SFSWAP: variants seen among roughly 807,000 people sequenced by gnomAD.
SFSWAP encodes splicing factor SWAP.
A neutral mutation model predicts 100.7 loss-of-function variants in SFSWAP; 17 were observed. The observed-to-expected ratio is 0.17, with a 90% CI of 0.12 to 0.25. The LOEUF (loss-of-function observed/expected upper bound fraction) is 0.25, where lower values mean the gene tolerates loss of function less well. SFSWAP is among the 10% of genes least tolerant of loss of function. The probability of loss-of-function intolerance (pLI) is 1.00; values close to 1 mark genes in which losing one functional copy is unlikely to be tolerated. For synonymous variants in SFSWAP, 504 were observed against 510.1 expected, an observed-to-expected ratio of 0.99 and a Z score of 0.16; for missense variants, 1,005 against 1,262.6, an observed-to-expected ratio of 0.80 and a Z score of 3.09.
At chr12:131,773,752 C>T (rs1883796887) in intron 13 of SFSWAP, among the ~76,000 whole-genome samples, 1 of 152,212 alleles carries the variant, frequency 6.6e-6, no homozygotes, top group South Asian at 2.1e-4. Context: ...CTGCTGTGTG[C>T]TAGGTGCTGA....
chr12:131,782,583 A>G (rs1458390239), intron 14 of SFSWAP, among the ~76,000 whole-genome samples: 1 of 152,176 alleles, frequency 6.6e-6, no homozygotes, highest in Non-Finnish European at 1.5e-5. Context: ...CGCAGTTGTT[A>G]ATATTTCTAA....
chr12:131,783,217 T>C (rs1323235839), intron 14 of SFSWAP, among the ~76,000 whole-genome samples: 5 of 152,092 alleles, frequency 3.3e-5, no homozygotes, highest in Non-Finnish European at 5.9e-5. Context: ...TAAAATACTT[T>C]TATTGTCTGT....
chr12:131,786,916 G>A (rs1308755218), intron 15 of SFSWAP, among the ~76,000 whole-genome samples: 2 of 152,180 alleles, frequency 1.3e-5, no homozygotes, highest in Non-Finnish European at 1.5e-5. Flanking sequence ...AGGACAGGAA[G>A]GCACAAACAG....
chr12:131,739,607 G>A (rs556582507), intron 7 of SFSWAP, among the ~76,000 whole-genome samples: 5 of 132,762 alleles, frequency 3.8e-5, no homozygotes, highest in Non-Finnish European at 6.2e-5. Context: ...GTGCAGTGGC[G>A]CAATCTCGGC....
In SFSWAP at chr12:131,766,380, C is replaced by A. The variant is rs1883121439; in HGVS notation, c.2142+72C>A. The A allele has an allele frequency of 2.2e-6, 3 of 1,380,140 alleles. No homozygotes were observed. The East Asian group carries it at 6.9e-5, about 32-fold the overall frequency. 85.5% of individuals were successfully genotyped at this position (1,380,140 alleles called of 1,614,324 possible). A position where few individuals can be genotyped will look rare whatever the true frequency, so the allele number is the denominator to read the frequency against. ...AGAGGCAGGGAGGATGTGTCTCCCT[C>A]CAGCTGCCCTAGTCTCTGGCCTGAG... On this transcript the variant is annotated intron_variant, in intron 13 of 17. Coordinates refer to ENST00000261674, the MANE Select transcript of SFSWAP (RefSeq NM_004592.4).
In SFSWAP at chr12:131,719,366, A is replaced by C. The variant is rs180840542; in HGVS notation, c.521-88A>C. 2.0e-4 allele frequency: 178 copies of C among 888,558 alleles called. No individual in the cohort carries two copies. In the African/African-American group the frequency reaches 2.7e-3, roughly 13 times the overall value. 55.0% of individuals were successfully genotyped at this position (888,558 alleles called of 1,614,324 possible). A position where few individuals can be genotyped will look rare whatever the true frequency, so the allele number is the denominator to read the frequency against. On this transcript the variant is annotated intron_variant, in intron 3 of 17. Coordinates refer to ENST00000261674, the MANE Select transcript of SFSWAP (RefSeq NM_004592.4). ...AGAAGGTAAAGAAGCAGGGACAGCCAGTCACATGCTTCCATCTTGCTGCCT... is the reference window on the plus strand; with the variant it reads ...AGAAGGTAAAGAAGCAGGGACAGCCCGTCACATGCTTCCATCTTGCTGCCT...
intron 7 of SFSWAP, among the ~76,000 whole-genome samples, chr12:131,746,885 A>G (rs1881151832): frequency 6.6e-6 from 1 of 152,114 alleles, no homozygotes; most frequent in Non-Finnish European, 1.5e-5. Flanking sequence ...CGGGCAGATC[A>G]TGAGGTCAGG....
intron 3 of SFSWAP, among the ~76,000 whole-genome samples, chr12:131,715,741 T>C (rs1877843697): frequency 6.8e-6 from 1 of 147,996 alleles, no homozygotes; most frequent in African/African-American, 2.4e-5. Context: ...CTTAGAAACA[T>C]TCAAATGTTT....
intron 6 of SFSWAP, 90 bp from the exon 7 acceptor site, chr12:131,728,203 A>G (rs1338710505): frequency 1.4e-6 from 2 of 1,465,274 alleles, no homozygotes; most frequent in Middle Eastern, 1.8e-4. Context: ...AGGCATGTAC[A>G]CTGAGTCCTA....
At chr12:131,765,290 C>T (rs1486536181) in intron 12 of SFSWAP, among the ~76,000 whole-genome samples, 1 of 152,220 alleles carries the variant, frequency 6.6e-6, no homozygotes, top group Non-Finnish European at 1.5e-5. Flanking sequence ...GTTATCTATT[C>T]TAACTGATTT....
intron 7 of SFSWAP, among the ~76,000 whole-genome samples, chr12:131,732,055 G>C (rs187450711): frequency 2.0e-5 from 3 of 151,434 alleles, no homozygotes; most frequent in African/African-American, 7.3e-5. Context: ...GATCACAGGC[G>C]CTCGTCACCA....
intron 15 of SFSWAP, among the ~76,000 whole-genome samples, chr12:131,793,657 A>T (rs1336637817): frequency 2.0e-5 from 3 of 152,186 alleles, no homozygotes; most frequent in African/African-American, 7.2e-5. Flanking sequence ...ACAGTTAAGA[A>T]GATGAATAGG....
intron 7 of SFSWAP, among the ~76,000 whole-genome samples, chr12:131,736,134 C>A (rs1849980270): frequency 6.6e-6 from 1 of 152,086 alleles, no homozygotes; most frequent in Admixed American, 6.5e-5. Flanking sequence ...ACAGGCCCTG[C>A]AGTGGGAAGG....
Position 131,714,903 on chromosome 12 carries a change from AT to A in SFSWAP, c.472del (p.Tyr158ThrfsTer24). 1 of 1,614,178 alleles carries A rather than the reference AT, an allele frequency of 6.2e-7. No homozygotes were observed. Among genetic ancestry groups the A allele is most frequent in the Non-Finnish European group, 8.5e-7 (1 of 1,180,026 alleles). The part of the protein sequence containing the change: ...NAVGFTYGSD[Y>X]YDPSEPTEEE... ...GTGGGGTTCACTTACGGTAGCGACTATTACGACCCGTCAGAGCCGACGGAGG... is the reference window on the plus strand; with the variant it reads ...GTGGGGTTCACTTACGGTAGCGACTATACGACCCGTCAGAGCCGACGGAGG... On this transcript the variant is annotated frameshift_variant, in exon 3 of 18. Coordinates refer to ENST00000261674, the MANE Select transcript of SFSWAP (RefSeq NM_004592.4). LOFTEE classifies it high-confidence loss of function. The surrounding 1 kb of genome is among the most constrained non-coding windows in gnomAD (Gnocchi z 6.0).
At chr12:131,789,215 C>T (rs1459142069) in intron 15 of SFSWAP, among the ~76,000 whole-genome samples, 1 of 152,278 alleles carries the variant, frequency 6.6e-6, no homozygotes, top group Non-Finnish European at 1.5e-5. Flanking sequence ...ATCCTGAGCT[C>T]AAGCAGTCTG....
intron 7 of SFSWAP, among the ~76,000 whole-genome samples, chr12:131,740,966 C>CTTTTT (rs60047663): frequency 5.8e-4 from 41 of 70,152 alleles, no homozygotes; most frequent in East Asian, 2.0e-3. Context: ...TCTTTTTTTT[C>CTTTTT]TTTTTTTTTT....
intron 14 of SFSWAP, chr12:131,785,418 A>T (rs2136270034): frequency 2.0e-6 from 1 of 508,202 alleles, no homozygotes; most frequent in South Asian, 3.2e-5. Context: ...CATGAAAATG[A>T]TTCAACGTAG....
intron 12 of SFSWAP, 81 bp downstream of exon 12, chr12:131,764,767 A>C: frequency 2.0e-6 from 2 of 1,002,616 alleles, no homozygotes; most frequent in Non-Finnish European, 3.0e-6. Flanking sequence ...AAAAATCTCG[A>C]GGCTGCCAAC....
At chr12:131,742,056 C>G (rs1593136206) in intron 7 of SFSWAP, among the ~76,000 whole-genome samples, 1 of 152,158 alleles carries the variant, frequency 6.6e-6, no homozygotes, top group African/African-American at 2.4e-5. Context: ...AAGACCTATC[C>G]TCTGCTGTCT....
Sources: allele counts gnomAD v4.1 joint callset (sites outside exome capture counted in the v4.1 genomes callset), GRCh38; gene constraint gnomAD v4.1.1; non-coding constraint Gnocchi (gnomAD v3.1); transcripts MANE v1.5; gene names NCBI Gene and HGNC (gene_info 2026-07-23, HGNC 2026-07-21).